SPAG17: variants seen among roughly 807,000 people sequenced by gnomAD.
The protein encoded by SPAG17 is sperm-associated antigen 17.
A neutral mutation model predicts 273.6 loss-of-function variants in SPAG17; 169 were observed. That is an observed-to-expected ratio of 0.62 (90% CI 0.55 to 0.70). The LOEUF is 0.70. Ranked by LOEUF, SPAG17 falls within the 30% of genes least tolerant of loss-of-function variation. The pLI, the probability that SPAG17 is intolerant of heterozygous loss-of-function variation, is 0.00. For synonymous variants in SPAG17, 825 were observed against 873.2 expected, an observed-to-expected ratio of 0.94 and a Z score of 0.97; for missense variants, 2,557 against 2,627.8, an observed-to-expected ratio of 0.97 and a Z score of 0.59.
chr1:118,015,863 G>C, intron 29 of SPAG17, 102 bp downstream of exon 29: 1 of 1,010,608 alleles, frequency 9.9e-7, no homozygotes, highest in Non-Finnish European at 1.5e-6. Flanking sequence ...CTACTTAACA[G>C]ACATTTATTG....
At chr1:118,150,658 G>GA in intron 2 of SPAG17, 29 bp from the exon 3 acceptor site, 1 of 1,261,418 alleles carries the variant, frequency 7.9e-7, no homozygotes, top group Non-Finnish European at 1.1e-6. Flanking sequence ...TACTTATGAT[G>GA]AAAAAAGCCT....
chr1:117,970,047 A>G lies in SPAG17; in HGVS notation c.6387+9T>C. ...CAAGCACACACAACAGATGACATATAGGACTTACAGGTCCAGGTTTGTAAG... is the reference window on the plus strand; with the variant it reads ...CAAGCACACACAACAGATGACATATGGGACTTACAGGTCCAGGTTTGTAAG... On this transcript the variant is annotated intron_variant, in intron 46 of 48. Coordinates refer to ENST00000336338, the MANE Select transcript of SPAG17 (RefSeq NM_206996.4). 1 of 1,613,094 alleles carries G rather than the reference A, an allele frequency of 6.2e-7. No homozygotes were observed. Among genetic ancestry groups the G allele is most frequent in the South Asian group, 1.1e-5 (1 of 90,870 alleles).
chr1:117,974,559 T>C (rs1357522630), intron 43 of SPAG17, among the ~76,000 whole-genome samples: 1 of 152,166 alleles, frequency 6.6e-6, no homozygotes, highest in Non-Finnish European at 1.5e-5. Context: ...TTTCTTTGAT[T>C]CTACTACTAT....
intron 3 of SPAG17, among the ~76,000 whole-genome samples, chr1:118,134,910 G>C (rs555262205): frequency 6.6e-6 from 1 of 152,190 alleles, no homozygotes; most frequent in Non-Finnish European, 1.5e-5. Flanking sequence ...CCTAAAATTT[G>C]ACTCTCAAAA....
At chr1:118,079,532 T>G (rs1195312286) in intron 15 of SPAG17, among the ~76,000 whole-genome samples, 2 of 152,028 alleles carry the variant, frequency 1.3e-5, no homozygotes, top group East Asian at 1.9e-4. Context: ...AAGAACCAAG[T>G]TTTTGCATTT....
In SPAG17 at chr1:118,040,816, A is replaced by G. The variant is rs981024184; in HGVS notation, c.3080T>C (p.Ile1027Thr). The G allele has an allele frequency of 6.3e-7, 1 of 1,584,548 alleles. No individual in the cohort carries two copies. The highest frequency in any genetic ancestry group is 8.7e-7 in the Non-Finnish European group (1 of 1,152,676). ...YPFHGYNMGN[I>T]PTQISGSNYY... ...ATTTGACCCTGAGATTTGAGTGGGT[A>G]TATTTCCCATATTGTATCCGTGAAA... Residue 1027 changes from isoleucine (I) to threonine (T), a missense_variant, in exon 22 of 49, where the codon ATA becomes ACA. Coordinates refer to ENST00000336338, the MANE Select transcript of SPAG17 (RefSeq NM_206996.4).
intron 26 of SPAG17, among the ~76,000 whole-genome samples, chr1:118,025,983 C>T (rs923776868): frequency 2.2e-4 from 33 of 152,098 alleles, no homozygotes; most frequent in Non-Finnish European, 4.4e-4. Context: ...CAAATTGAGG[C>T]AAAATTATGA....
At chr1:117,998,576 T>G (rs1470499033) in intron 32 of SPAG17, among the ~76,000 whole-genome samples, 1 of 152,192 alleles carries the variant, frequency 6.6e-6, no homozygotes, top group Admixed American at 6.5e-5. Flanking sequence ...GAATAGCTTT[T>G]TCTGATTCTG....
At chr1:118,145,780 AG>A (rs1226145014) in intron 3 of SPAG17, among the ~76,000 whole-genome samples, 38 of 152,180 alleles carry the variant, frequency 2.5e-4, no homozygotes, top group Admixed American at 2.5e-3. Flanking sequence ...TGTTTAGGAT[AG>A]TTCAAGTTCT....
chr1:118,000,923 G>GT (rs1324938727), intron 32 of SPAG17, among the ~76,000 whole-genome samples: 3 of 152,176 alleles, frequency 2.0e-5, no homozygotes, highest in Admixed American at 6.5e-5. Context: ...AATGCTTCCA[G>GT]TTTTTGCCCA....
At chr1:118,141,807 C>A (rs1403941977) in intron 3 of SPAG17, among the ~76,000 whole-genome samples, 1 of 152,140 alleles carries the variant, frequency 6.6e-6, no homozygotes. Context: ...GAAATGGTTA[C>A]TACTGCTGTT....
chr1:118,091,901 G>C, intron 9 of SPAG17, 29 bp downstream of exon 9: 1 of 1,609,716 alleles, frequency 6.2e-7, no homozygotes, highest in Non-Finnish European at 8.5e-7. Context: ...TCATGGTGTT[G>C]ATCCTCCAGC....
At chr1:118,164,164 T>C (rs566736049) in intron 1 of SPAG17, among the ~76,000 whole-genome samples, 1 of 152,334 alleles carries the variant, frequency 6.6e-6, no homozygotes, top group East Asian at 1.9e-4. Context: ...ACTACTCCCA[T>C]GCTATTGCCT....
At chr1:118,147,712 A>T (rs1400895772) in intron 3 of SPAG17, among the ~76,000 whole-genome samples, 1 of 152,248 alleles carries the variant, frequency 6.6e-6, no homozygotes, top group South Asian at 2.1e-4. Context: ...ACACAATCTC[A>T]TAATGAGGCT....
intron 20 of SPAG17, among the ~76,000 whole-genome samples, chr1:118,050,297 A>G (rs947949781): frequency 1.3e-5 from 2 of 152,124 alleles, no homozygotes; most frequent in African/African-American, 2.4e-5. Flanking sequence ...CCTTCTTCCA[A>G]TTGTACTTTA....
At chr1:118,075,634 G>T (rs1654016284) in intron 15 of SPAG17, among the ~76,000 whole-genome samples, 1 of 152,174 alleles carries the variant, frequency 6.6e-6, no homozygotes, top group African/African-American at 2.4e-5. Flanking sequence ...CTGAACAACT[G>T]AACAGCCCTG....
intron 3 of SPAG17, among the ~76,000 whole-genome samples, chr1:118,123,794 G>A (rs1161084247): frequency 6.6e-6 from 1 of 152,150 alleles, no homozygotes; most frequent in Non-Finnish European, 1.5e-5. Flanking sequence ...CATAAAAGTT[G>A]GTAACATAAT....
chr1:117,979,014 C>T (rs1655449831), intron 43 of SPAG17, among the ~76,000 whole-genome samples: 1 of 152,038 alleles, frequency 6.6e-6, no homozygotes, highest in Non-Finnish European at 1.5e-5. Context: ...ATTACAGGTG[C>T]ATGCCACCAT....
intron 28 of SPAG17, among the ~76,000 whole-genome samples, chr1:118,021,722 G>A (rs1235053194): frequency 6.6e-6 from 1 of 152,144 alleles, no homozygotes; most frequent in African/African-American, 2.4e-5. Flanking sequence ...TTTAAAAAGT[G>A]AGTGCATCAT....
Sources: allele counts gnomAD v4.1 joint callset (sites outside exome capture counted in the v4.1 genomes callset), GRCh38; gene constraint gnomAD v4.1.1; transcripts MANE v1.5; gene names NCBI Gene and HGNC (gene_info 2026-07-23, HGNC 2026-07-21).